Variants in PHLPP1 observed in about 807,000 individuals in gnomAD.
PHLPP1 encodes PH domain leucine-rich repeat-containing protein phosphatase 1.
In PHLPP1, 42 loss-of-function variants were observed where a neutral mutation model predicts 117.2. The observed-to-expected ratio is 0.36, with a 90% confidence interval of 0.28 to 0.46. The LOEUF (loss-of-function observed/expected upper bound fraction) is 0.46. PHLPP1 is among the 20% of genes least tolerant of loss of function. The pLI is 1.00. For synonymous variants in PHLPP1, 1,042 were observed against 970.7 expected, an observed-to-expected ratio of 1.07 and a Z score of -1.37; for missense variants, 2,084 against 2,241.9, an observed-to-expected ratio of 0.93 and a Z score of 1.42.
At chr18:62,757,619 A>G (rs1229211036) in intron 1 of PHLPP1, among the ~76,000 whole-genome samples, 6 of 152,116 alleles carry the variant, frequency 3.9e-5, no homozygotes, top group African/African-American at 1.2e-4. Flanking sequence ...GTAGAGGTAG[A>G]CTCTGTCTAT....
Position 62,715,729 on chromosome 18 carries a change from G to C in PHLPP1, c.46G>C (p.Gly16Arg). 1 of 1,253,354 alleles carries C rather than the reference G, an allele frequency of 8.0e-7. No individual in the cohort carries two copies. The highest frequency in any genetic ancestry group is 1.0e-6 in the Non-Finnish European group (1 of 995,960). 77.6% of individuals were successfully genotyped at this position (1,253,354 alleles called of 1,614,324 possible). A position where few individuals can be genotyped will look rare whatever the true frequency, so the allele number is the denominator to read the frequency against. ...AATVQRLPEL[G>R]REDRASAPAA... ...CACGGTACAGCGACTCCCCGAGCTC[G>C]GCAGGGAGGACCGAGCTTCGGCTCC... is the stretch of plus-strand genomic sequence containing the variant. The change falls in exon 1 of 17, where the codon GGC becomes CGC. Residue 16 changes from glycine to arginine, a missense_variant. By Grantham distance (125) the Gly-to-Arg change is moderately radical. Around this residue, in one of 2 missense-constraint regions of PHLPP1, gnomAD observed 719 missense variants for 636.0 expected, o/e 1.13. Transcript: ENST00000262719.
intron 7 of PHLPP1, among the ~76,000 whole-genome samples, chr18:62,905,015 A>G (rs1916809227): frequency 6.6e-6 from 1 of 152,224 alleles, no homozygotes; most frequent in Non-Finnish European, 1.5e-5. Context: ...AGAATGCATG[A>G]TGTATTTCAA....
At position 62,830,056 on chromosome 18, in the gene PHLPP1, G is replaced by T. The variant is rs371701925; in HGVS notation, c.1598G>T (p.Ser533Ile). The stretch of plus-strand genomic sequence containing the variant: ...TCAGGAAAACCTCACAGCACGGGTA[G>T]CTCTGAACGGATTCAGCTCTCAGGA... ...FYAGKPHSTG[S>I]SERIQLSGMY... The change falls in exon 2 of 17, where the codon AGC (serine) becomes ATC (isoleucine). Residue 533 changes from serine (S) to isoleucine (I), a missense_variant. Ser to Ile is a moderately radical substitution (Grantham distance 142). Transcript: ENST00000262719. The T allele has an allele frequency of 6.2e-7, 1 of 1,613,028 alleles. No homozygotes were observed. Among genetic ancestry groups the T allele is most frequent in the African/African-American group, 1.3e-5 (1 of 74,886 alleles).
chr18:62,889,450 T>C (rs1336994269), intron 4 of PHLPP1: 1 of 152,254 alleles, frequency 6.6e-6, no homozygotes, highest in African/African-American at 2.4e-5. Context: ...ATAAAATTAA[T>C]GTCCTGGAAA....
chr18:62,814,302 G>A (rs1914204280), intron 1 of PHLPP1, among the ~76,000 whole-genome samples: 1 of 152,164 alleles, frequency 6.6e-6, no homozygotes, highest in African/African-American at 2.4e-5. Context: ...TAGCTAAAAA[G>A]CAGTTAGTCT....
chr18:62,965,898 C>G (rs78301001), intron 14 of PHLPP1, among the ~76,000 whole-genome samples: 1 of 149,630 alleles, frequency 6.7e-6, no homozygotes, highest in African/African-American at 2.5e-5. Flanking sequence ...CTCTTTCATA[C>G]TACCTCATTC....
intron 1 of PHLPP1, among the ~76,000 whole-genome samples, chr18:62,789,613 A>G (rs1172453390): frequency 2.0e-5 from 3 of 152,144 alleles, no homozygotes; most frequent in Non-Finnish European, 2.9e-5. Flanking sequence ...CACACAGCAC[A>G]AACCTTCTGC....
intron 1 of PHLPP1, among the ~76,000 whole-genome samples, chr18:62,795,401 C>T (rs1194058870): frequency 6.6e-6 from 1 of 150,834 alleles, no homozygotes; most frequent in African/African-American, 2.4e-5. Context: ...TTGCTTGAAC[C>T]CGGGAGGTGG....
chr18:62,971,108 T>C (rs1327835183), intron 14 of PHLPP1, among the ~76,000 whole-genome samples: 6 of 152,234 alleles, frequency 3.9e-5, no homozygotes, highest in Non-Finnish European at 7.3e-5. Context: ...GGGCACGTCC[T>C]GGTTTCCCCT....
At chr18:62,947,559 G>C (rs1386026434) in intron 12 of PHLPP1, among the ~76,000 whole-genome samples, 1 of 152,212 alleles carries the variant, frequency 6.6e-6, no homozygotes, top group Non-Finnish European at 1.5e-5. Context: ...TGTTAAACTG[G>C]TCTCTATGTG....
In PHLPP1 at chr18:62,980,045, C is replaced by CGATGTTTTGTAGTCA. The variant is rs1911328638; in HGVS notation, c.*628_*629insAGATGTTTTGTAGTC. On this transcript the variant is annotated 3_prime_UTR_variant, in exon 17 of 17. Coordinates refer to ENST00000262719, the MANE Select transcript of PHLPP1 (RefSeq NM_194449.4). ...GCTCAGTGTTGTATAGTGAGGCTTA[C>CGATGTTTTGTAGTCA]GATGTTTTGTAGTCTTGGCGTAAGG... 1 of 152,710 alleles carries CGATGTTTTGTAGTCA rather than the reference C, an allele frequency of 6.5e-6. No homozygotes were observed. Among genetic ancestry groups the CGATGTTTTGTAGTCA allele is most frequent in the African/African-American group, 2.4e-5 (1 of 41,392 alleles). The allele number at this position is 152,710 out of a possible 1,614,324, so 9.5% of individuals were successfully genotyped here.
At chr18:62,924,072 G>A (rs1488638954) in intron 10 of PHLPP1, among the ~76,000 whole-genome samples, 1 of 152,152 alleles carries the variant, frequency 6.6e-6, no homozygotes, top group Non-Finnish European at 1.5e-5. Context: ...ATAGTGAAAG[G>A]TAGGTTTAAG....
intron 7 of PHLPP1, among the ~76,000 whole-genome samples, chr18:62,903,601 T>TA (rs1916777618): frequency 6.6e-6 from 1 of 151,948 alleles, no homozygotes; most frequent in Non-Finnish European, 1.5e-5. Flanking sequence ...CTCACCTTAA[T>TA]ATAAACCAGA....
At chr18:62,825,518 T>C (rs1053143511) in intron 1 of PHLPP1, 2 of 150,948 alleles carry the variant, frequency 1.3e-5, no homozygotes, top group African/African-American at 4.9e-5. Context: ...TGGAGTGCAG[T>C]GGCACAATCA....
intron 1 of PHLPP1, among the ~76,000 whole-genome samples, chr18:62,733,664 A>AGC (rs1416551210): frequency 2.0e-5 from 3 of 152,252 alleles, no homozygotes; most frequent in Admixed American, 6.5e-5. Context: ...GTTTGTGGAA[A>AGC]CAAGCCAGCA....
chr18:62,978,854 C>A lies in PHLPP1; in HGVS notation c.4577C>A (p.Ser1526Tyr), dbSNP rs1165078257. 6.2e-7 allele frequency: 1 copy of A among 1,607,184 alleles called. No individual in the cohort carries two copies. Among genetic ancestry groups the A allele is most frequent in the Non-Finnish European group, 8.5e-7 (1 of 1,176,996 alleles). Residue 1526 changes from serine to tyrosine, a missense_variant, in exon 17 of 17, where the codon TCC becomes TAC. Physicochemically the swap from Ser to Tyr is moderately radical, Grantham distance 144. This residue lies in a region of PHLPP1 where 1,365 missense variants were observed against 1,605.9 expected (regional missense o/e 0.85). Coordinates refer to ENST00000262719, the MANE Select transcript of PHLPP1 (RefSeq NM_194449.4). The surrounding 1 kb of genome is among the most constrained non-coding windows in gnomAD (Gnocchi z 7.0). ...CMLHPICLSN[S>Y]FQRQLSSATF... The stretch of plus-strand genomic sequence containing the variant: ...CTCCACCCCATCTGTCTGTCCAACT[C>A]CTTCCAGCGCCAGCTATCCAGCGCC...
chr18:62,867,896 C>G (rs1915806453), intron 4 of PHLPP1, among the ~76,000 whole-genome samples: 1 of 152,006 alleles, frequency 6.6e-6, no homozygotes, highest in South Asian at 2.1e-4. Context: ...ACTGCAAGCT[C>G]CGCCTCCCAG....
At chr18:62,854,471 G>T (rs998592430) in intron 3 of PHLPP1, among the ~76,000 whole-genome samples, 1 of 152,136 alleles carries the variant, frequency 6.6e-6, no homozygotes, top group Non-Finnish European at 1.5e-5. Context: ...GTCAGCAGAT[G>T]GTCTCTACTG....
At chr18:62,856,768 A>G (rs891831853) in intron 3 of PHLPP1, among the ~76,000 whole-genome samples, 10 of 152,074 alleles carry the variant, frequency 6.6e-5, no homozygotes, top group Non-Finnish European at 1.3e-4. Context: ...AACTCTGGGT[A>G]CTTCCTCTGC....
Sources: gnomAD v4.1 joint callset for allele counts (sites outside exome capture counted in the v4.1 genomes callset) on GRCh38, gnomAD v4.1.1 for gene constraint, gnomAD v4.1.1 regional missense constraint, Gnocchi (gnomAD v3.1) non-coding constraint, MANE v1.5 for transcripts, NCBI Gene and HGNC (gene_info 2026-07-23, HGNC 2026-07-21) for gene names.